The following SUPT3H variants were observed in gnomAD, a reference collection of about 807,000 sequenced individuals.
The protein encoded by SUPT3H is transcription initiation protein SPT3 homolog.
SUPT3H carries 44 observed loss-of-function variants against 44.3 expected under a neutral mutation model. The observed-to-expected ratio is 0.99, with a 90% CI of 0.78 to 1.28. SUPT3H has a LOEUF of 1.28. Among genes scored for constraint, SUPT3H ranks in the 50% most tolerant of loss-of-function variants. SUPT3H has a pLI of 0.00. For missense variants in SUPT3H, 380 were observed against 387.1 expected, an observed-to-expected ratio of 0.98 and a Z score of 0.15; for synonymous variants, 124 against 125.6, an observed-to-expected ratio of 0.99 and a Z score of 0.09.
intron 6 of SUPT3H, among the ~76,000 whole-genome samples, chr6:44,980,515 G>A (rs184591054): frequency 2.6e-5 from 4 of 152,256 alleles, no homozygotes; most frequent in Admixed American, 2.6e-4. Flanking sequence ...ACGTGGCTGA[G>A]GGTAAGAGAA....
chr6:44,938,087 C>T (rs1032603118), intron 9 of SUPT3H, among the ~76,000 whole-genome samples: 7 of 150,988 alleles, frequency 4.6e-5, no homozygotes, highest in Non-Finnish European at 1.0e-4. Context: ...TAATTAAGTC[C>T]CATTGTCTAT....
intron 2 of SUPT3H, among the ~76,000 whole-genome samples, chr6:45,224,790 A>G (rs2153637099): frequency 6.6e-6 from 1 of 151,622 alleles, no homozygotes; most frequent in Non-Finnish European, 1.5e-5. Flanking sequence ...AAAAAAAAAA[A>G]GAAAGAAAGA....
intron 1 of SUPT3H, chr6:45,371,875 C>T (rs897055367): frequency 5.1e-6 from 5 of 975,220 alleles, no homozygotes; most frequent in Non-Finnish European, 6.1e-6. Flanking sequence ...TCCTCCAAAT[C>T]CCTCATTTTT....
At chr6:44,904,225 A>G (rs1459556220) in intron 10 of SUPT3H, among the ~76,000 whole-genome samples, 1 of 152,220 alleles carries the variant, frequency 6.6e-6, no homozygotes, top group East Asian at 1.9e-4. Context: ...GAGGAAGTCA[A>G]ATTGTCCCTG....
intron 10 of SUPT3H, among the ~76,000 whole-genome samples, chr6:44,917,636 A>T (rs1768021264): frequency 6.6e-6 from 1 of 152,182 alleles, no homozygotes; most frequent in South Asian, 2.1e-4. Context: ...AATTTTCAGG[A>T]GTATAAATGA....
chr6:44,859,388 T>C (rs1561902470), intron 10 of SUPT3H, among the ~76,000 whole-genome samples: 1 of 152,194 alleles, frequency 6.6e-6, no homozygotes, highest in Non-Finnish European at 1.5e-5. Context: ...TCTGTAAACT[T>C]TCAAATGGAA....
At chr6:44,937,876 T>G (rs1231497174) in intron 9 of SUPT3H, among the ~76,000 whole-genome samples, 1 of 149,504 alleles carries the variant, frequency 6.7e-6, no homozygotes, top group Non-Finnish European at 1.5e-5. Context: ...TTTTCTCCCA[T>G]TCTGCAGGTT....
intron 6 of SUPT3H, among the ~76,000 whole-genome samples, chr6:44,992,051 A>C (rs916198239): frequency 6.6e-6 from 1 of 152,184 alleles, no homozygotes; most frequent in African/African-American, 2.4e-5. Flanking sequence ...TTATTACAAC[A>C]ACCACAATTT....
intron 3 of SUPT3H, among the ~76,000 whole-genome samples, chr6:45,063,564 A>T: frequency 2.8e-5 from 3 of 108,644 alleles, no homozygotes; most frequent in African/African-American, 1.1e-4. Context: ...ACTTTGAAAA[A>T]AATTTAGAAG....
intron 3 of SUPT3H, among the ~76,000 whole-genome samples, chr6:45,072,365 C>T (rs1025620231): frequency 6.6e-6 from 1 of 152,124 alleles, no homozygotes; most frequent in African/African-American, 2.4e-5. Context: ...AAAATGTGGA[C>T]CCTGACCAGT....
At chr6:45,041,907 A>G (rs1788593688) in intron 3 of SUPT3H, among the ~76,000 whole-genome samples, 1 of 152,174 alleles carries the variant, frequency 6.6e-6, no homozygotes, top group African/African-American at 2.4e-5. Flanking sequence ...CTTATCCTAC[A>G]AAGTATAAAG....
intron 1 of SUPT3H, among the ~76,000 whole-genome samples, chr6:45,368,365 T>A (rs191450799): frequency 3.3e-5 from 5 of 152,138 alleles, no homozygotes; most frequent in African/African-American, 1.2e-4. Context: ...AGAAGAAAAA[T>A]TGGCATTTAC....
chr6:44,929,759 C>T (rs1344651327), intron 10 of SUPT3H, among the ~76,000 whole-genome samples: 12 of 138,544 alleles, frequency 8.7e-5, no homozygotes, highest in Non-Finnish European at 1.4e-4. Context: ...AAGTTTCTAC[C>T]ATGAGCTCCC....
intron 2 of SUPT3H, among the ~76,000 whole-genome samples, chr6:45,196,049 G>A (rs942682412): frequency 2.4e-4 from 37 of 152,100 alleles, no homozygotes; most frequent in Non-Finnish European, 4.7e-4. Flanking sequence ...ACACTAGCAC[G>A]CTAAAAATAT....
intron 2 of SUPT3H, among the ~76,000 whole-genome samples, chr6:45,158,275 C>CATATATATATATATAT (rs70996305): frequency 4.8e-5 from 3 of 62,178 alleles, no homozygotes; most frequent in African/African-American, 3.8e-4. Flanking sequence ...TATAAATATA[C>CATATATATATATATAT]ATATATATAT....
In SUPT3H at chr6:45,261,197, G is replaced by A. The variant is rs568566703; in HGVS notation, c.101+104004C>T. 5.9e-5 allele frequency among the ~76,000 whole-genome samples: 9 copies of A among 151,846 alleles called. No individual in the cohort carries two copies. The South Asian group carries it at 1.3e-3, about 21-fold the overall frequency. ...ATTCCAAAAAAACCAAAAATCAAGT[G>A]GGAACTCCTCCTTCAATCATTCTGT... On this transcript the variant is annotated intron_variant, in intron 2 of 10. Coordinates refer to ENST00000371459, the MANE Select transcript of SUPT3H (RefSeq NM_003599.4).
At chr6:44,992,225 T>A (rs1440407523) in intron 6 of SUPT3H, among the ~76,000 whole-genome samples, 5 of 152,178 alleles carry the variant, frequency 3.3e-5, no homozygotes, top group African/African-American at 1.2e-4. Context: ...AAGGATCTCA[T>A]TTTAAAAAGA....
intron 11 of SUPT3H, among the ~76,000 whole-genome samples, chr6:44,817,567 A>G (rs1337107036): frequency 2.0e-5 from 3 of 152,162 alleles, no homozygotes; most frequent in Non-Finnish European, 4.4e-5. Context: ...CTATGTAGAA[A>G]ATCCCGAAGA....
chr6:45,310,626 C>T (rs1194318803), intron 2 of SUPT3H, among the ~76,000 whole-genome samples: 1 of 152,148 alleles, frequency 6.6e-6, no homozygotes, highest in African/African-American at 2.4e-5. Context: ...AAACCCTCAG[C>T]ACCAGCCAGG....
Sources: allele counts gnomAD v4.1 joint callset (sites outside exome capture counted in the v4.1 genomes callset), GRCh38; gene constraint gnomAD v4.1.1; transcripts MANE v1.5; gene names NCBI Gene and HGNC (gene_info 2026-07-23, HGNC 2026-07-21).